The following STK32A variants were observed in gnomAD, a reference collection of about 807,000 sequenced individuals.
STK32A encodes serine/threonine-protein kinase 32A.
A neutral mutation model predicts 53.2 loss-of-function variants in STK32A; 41 were observed. The observed-to-expected ratio is 0.77, with a 90% CI of 0.60 to 1.00. The LOEUF is 1.00. STK32A is among the 50% of genes least tolerant of loss of function. STK32A has a pLI of 0.00. For synonymous variants in STK32A, 166 were observed against 162.8 expected (o/e 1.02, Z -0.15); for missense variants, 458 against 485.8 (o/e 0.94, Z 0.54).
intron 5 of STK32A, 138 bp from the exon 6 acceptor site, chr5:147,342,868 A>G (rs1467763274): frequency 1.5e-6 from 1 of 666,728 alleles, no homozygotes; most frequent in East Asian, 2.6e-5. Context: ...TACTGTGAGA[A>G]TTGAATGAGA....
chr5:147,332,504 GT>G (rs574490971), intron 5 of STK32A, among the ~76,000 whole-genome samples: 78 of 152,206 alleles, frequency 5.1e-4, no homozygotes, highest in African/African-American at 1.9e-3. Context: ...TATATTGTAT[GT>G]GTTCTGCTTG....
intron 4 of STK32A, among the ~76,000 whole-genome samples, chr5:147,315,185 CAT>C (rs1404665274): frequency 6.6e-6 from 1 of 152,198 alleles, no homozygotes; most frequent in Non-Finnish European, 1.5e-5. Context: ...AAAAGTTAAA[CAT>C]AGAGTTTCCA....
intron 4 of STK32A, among the ~76,000 whole-genome samples, chr5:147,313,675 G>A (rs181422889): frequency 6.1e-4 from 93 of 152,292 alleles, no homozygotes; most frequent in Non-Finnish European, 1.2e-3. Context: ...TTTCAGTTTC[G>A]AAAGTTGTTA....
chr5:147,258,763 CA>C (rs981428662), intron 2 of STK32A, among the ~76,000 whole-genome samples: 1 of 151,838 alleles, frequency 6.6e-6, no homozygotes, highest in African/African-American at 2.4e-5. Flanking sequence ...TCTAAGGCCA[CA>C]AGATTTGAAG....
intron 4 of STK32A, among the ~76,000 whole-genome samples, chr5:147,285,428 G>A (rs1176601988): frequency 1.3e-5 from 2 of 152,112 alleles, no homozygotes; most frequent in East Asian, 3.8e-4. Flanking sequence ...AAAAGCAAAT[G>A]CAATAAAAAC....
chr5:147,369,135 T>C (rs1756896879), intron 8 of STK32A, among the ~76,000 whole-genome samples: 1 of 152,182 alleles, frequency 6.6e-6, no homozygotes, highest in African/African-American at 2.4e-5. Flanking sequence ...TTATTTCTAC[T>C]ATATAATTAC....
At chr5:147,299,659 T>C (rs1753034825) in intron 4 of STK32A, among the ~76,000 whole-genome samples, 2 of 152,172 alleles carry the variant, frequency 1.3e-5, no homozygotes, top group African/African-American at 4.8e-5. Context: ...TTATTGGGGC[T>C]CAAAGCTTGA....
intron 11 of STK32A, among the ~76,000 whole-genome samples, chr5:147,378,972 C>T (rs1757347282): frequency 6.9e-6 from 1 of 145,884 alleles, no homozygotes; most frequent in Non-Finnish European, 1.5e-5. Context: ...AGAATGCCAA[C>T]AGTCATTTAA....
intron 4 of STK32A, among the ~76,000 whole-genome samples, chr5:147,283,340 A>C (rs1752156125): frequency 1.3e-5 from 2 of 152,100 alleles, no homozygotes; most frequent in African/African-American, 4.8e-5. Flanking sequence ...CATTGAAAAG[A>C]CTGAAAGAGC....
At chr5:147,346,213 G>T (rs1051986886) in intron 6 of STK32A, among the ~76,000 whole-genome samples, 18 of 152,152 alleles carry the variant, frequency 1.2e-4, no homozygotes, top group African/African-American at 4.3e-4. Flanking sequence ...GTCTGCTGGT[G>T]TGACTTTCCA....
intron 2 of STK32A, among the ~76,000 whole-genome samples, chr5:147,263,027 G>A (rs1754653602): frequency 6.6e-6 from 1 of 152,124 alleles, no homozygotes; most frequent in Non-Finnish European, 1.5e-5. Flanking sequence ...TCCATACTAT[G>A]GTTTATCCTC....
intron 5 of STK32A, among the ~76,000 whole-genome samples, chr5:147,329,701 C>T (rs1754769523): frequency 6.6e-6 from 1 of 152,176 alleles, no homozygotes; most frequent in African/African-American, 2.4e-5. Flanking sequence ...ATGGTTATAC[C>T]TCTAATTGTA....
intron 2 of STK32A, among the ~76,000 whole-genome samples, chr5:147,268,882 G>T (rs1360143704): frequency 6.6e-6 from 1 of 152,198 alleles, no homozygotes; most frequent in Non-Finnish European, 1.5e-5. Flanking sequence ...TGCATAAGAA[G>T]AGGAGAAGCA....
At chr5:147,303,896 G>C (rs1044495416) in intron 4 of STK32A, among the ~76,000 whole-genome samples, 1 of 152,162 alleles carries the variant, frequency 6.6e-6, no homozygotes, top group Non-Finnish European at 1.5e-5. Flanking sequence ...GTTCCACCTA[G>C]AGATGTTGAC....
At chr5:147,363,338 G>A (rs999206872) in intron 8 of STK32A, among the ~76,000 whole-genome samples, 2 of 140,096 alleles carry the variant, frequency 1.4e-5, no homozygotes, top group African/African-American at 5.9e-5. Flanking sequence ...AGGCATGGGA[G>A]CAATCACTCT....
chr5:147,247,461 TC>T (rs1436729009), intron 2 of STK32A, among the ~76,000 whole-genome samples: 1 of 152,250 alleles, frequency 6.6e-6, no homozygotes, highest in Non-Finnish European at 1.5e-5. Context: ...TTCTGTTTCC[TC>T]CTAAACTATG....
chr5:147,373,029 T>G, intron 9 of STK32A, 140 bp from the exon 10 acceptor site: 1 of 1,021,542 alleles, frequency 9.8e-7, no homozygotes, highest in Non-Finnish European at 1.4e-6. Flanking sequence ...ATGATCTACA[T>G]TGTTTATGGG....
intron 7 of STK32A, among the ~76,000 whole-genome samples, chr5:147,351,721 C>T (rs1231729480): frequency 6.6e-6 from 1 of 152,070 alleles, no homozygotes; most frequent in East Asian, 1.9e-4. Context: ...GTAGCATGCG[C>T]CTGTAGTCCC....
chr5:147,267,624 G>T (rs1754863339), intron 2 of STK32A, among the ~76,000 whole-genome samples: 1 of 152,096 alleles, frequency 6.6e-6, no homozygotes, highest in Non-Finnish European at 1.5e-5. Context: ...CTAAGATGTG[G>T]CACAGTGCAG....
Sources: gnomAD v4.1 joint callset for allele counts (sites outside exome capture counted in the v4.1 genomes callset) on GRCh38, gnomAD v4.1.1 for gene constraint, MANE v1.5 for transcripts, NCBI Gene and HGNC (gene_info 2026-07-23, HGNC 2026-07-21) for gene names.